The following MAP2 variants were observed in gnomAD, a reference collection of about 807,000 sequenced individuals.
MAP2 encodes the protein microtubule-associated protein 2.
MAP2 carries 14 observed loss-of-function variants against 137.6 expected under a neutral mutation model. That is an observed-to-expected ratio of 0.10 (90% CI 0.07 to 0.16). The LOEUF is 0.16. MAP2 is among the 10% of genes least tolerant of loss of function. The probability of loss-of-function intolerance (pLI) is 1.00; values close to 1 mark genes in which losing one functional copy is unlikely to be tolerated. For synonymous variants in MAP2, 786 were observed against 782.3 expected, an observed-to-expected ratio of 1.00 and a Z score of -0.08; for missense variants, 2,088 against 2,191.5, an observed-to-expected ratio of 0.95 and a Z score of 0.94.
intron 1 of MAP2, among the ~76,000 whole-genome samples, chr2:209,475,740 T>C (rs1707042125): frequency 6.6e-6 from 1 of 152,182 alleles, no homozygotes; most frequent in South Asian, 2.1e-4. Flanking sequence ...ATTCTAGTTT[T>C]TAATGCATAT....
Position 209,693,183 on chromosome 2 carries a change from C to T in MAP2, c.1013C>T (p.Ser338Leu), listed in dbSNP as rs144486691. The stretch of plus-strand genomic sequence containing the variant: ...AAGAATGAAATAGTTACAGAAACAT[C>T]GCCCTTTGCCCCTGCCTTTTTACAG... Reference protein sequence around the residue: ...VMKNEIVTETSPFAPAFLQPD... With the variant: ...VMKNEIVTETLPFAPAFLQPD... Residue 338 changes from serine to leucine, a missense_variant, in exon 8 of 16, where the codon TCG becomes TTG. By Grantham distance (145) the Ser-to-Leu change is moderately radical. Transcript: ENST00000682079. 3.1e-6 allele frequency: 5 copies of T among 1,610,388 alleles called. No homozygotes were observed. Among genetic ancestry groups the T allele is most frequent in the African/African-American group, 1.3e-5 (1 of 74,666 alleles).
At chr2:209,607,891 G>C (rs2085351897) in intron 3 of MAP2, among the ~76,000 whole-genome samples, 1 of 152,080 alleles carries the variant, frequency 6.6e-6, no homozygotes, top group African/African-American at 2.4e-5. Flanking sequence ...TATTCCTTTT[G>C]CTAGTCAAAC....
intron 1 of MAP2, among the ~76,000 whole-genome samples, chr2:209,459,497 G>A (rs1055160639): frequency 6.6e-6 from 1 of 152,062 alleles, no homozygotes; most frequent in African/African-American, 2.4e-5. Context: ...AAAGATCCAG[G>A]AAAACAACTC....
intron 7 of MAP2, among the ~76,000 whole-genome samples, chr2:209,691,371 A>T (rs897005806): frequency 6.6e-6 from 1 of 152,056 alleles, no homozygotes; most frequent in East Asian, 1.9e-4. Flanking sequence ...GATGCTTCTC[A>T]TATCATTTTC....
Position 209,478,888 on chromosome 2 carries a change from A to G in MAP2, c.-221-28704A>G, listed in dbSNP as rs374736584. On this transcript the variant is annotated intron_variant, in intron 1 of 15. Transcript: ENST00000682079. ...TCTCCCTCTAATGAAATAGGATGGA[A>G]TTAAATAGGCTGTATAGATTCTTCC... is the stretch of plus-strand genomic sequence containing the variant. Among the ~76,000 whole-genome samples, 54 of 152,344 alleles carry G rather than the reference A, an allele frequency of 3.5e-4. No homozygotes were observed. The East Asian group carries it at 8.7e-3, about 24-fold the overall frequency.
intron 4 of MAP2, among the ~76,000 whole-genome samples, chr2:209,629,696 C>T (rs755166447): frequency 1.3e-5 from 2 of 152,150 alleles, no homozygotes; most frequent in Non-Finnish European, 2.9e-5. Flanking sequence ...GCAGTCATAT[C>T]CAGATCTCAA....
intron 2 of MAP2, among the ~76,000 whole-genome samples, chr2:209,573,933 CATTT>C (rs2074869267): frequency 6.6e-6 from 1 of 152,068 alleles, no homozygotes; most frequent in African/African-American, 2.4e-5. Flanking sequence ...CTTTTAGGTT[CATTT>C]GTGTTGTGAC....
At chr2:209,510,205 C>T (rs2061563595) in intron 2 of MAP2, among the ~76,000 whole-genome samples, 1 of 151,712 alleles carries the variant, frequency 6.6e-6, no homozygotes, top group South Asian at 2.1e-4. Flanking sequence ...GGTATATTTT[C>T]CTCCAGTTTT....
chr2:209,491,911 T>TA (rs1402476376), intron 1 of MAP2, among the ~76,000 whole-genome samples: 2 of 151,828 alleles, frequency 1.3e-5, no homozygotes, highest in Admixed American at 6.6e-5. Flanking sequence ...TTCCAAACAA[T>TA]AAAAAAAGAG....
At chr2:209,646,898 T>A (rs187096473) in intron 4 of MAP2, among the ~76,000 whole-genome samples, 1 of 152,308 alleles carries the variant, frequency 6.6e-6, no homozygotes, top group East Asian at 1.9e-4. Context: ...TTTGGTTACT[T>A]ATTATTCCAT....
chr2:209,713,420 A>G (rs898309533), intron 13 of MAP2, among the ~76,000 whole-genome samples: 3 of 152,178 alleles, frequency 2.0e-5, no homozygotes, highest in African/African-American at 7.2e-5. Flanking sequence ...GCCTAATGGA[A>G]TAGATAAGCT....
rs79763391 is a variant in MAP2 at position 209,711,370 on chromosome 2, C to T, written c.5073+1116C>T. Among the ~76,000 whole-genome samples the T allele has an allele frequency of 8.2e-4, 125 of 152,294 alleles. 2 individuals carry two copies. In the East Asian group the frequency reaches 0.023, roughly 28 times the overall value. On this transcript the variant is annotated intron_variant, in intron 13 of 15. Coordinates refer to ENST00000682079, the MANE Select transcript of MAP2 (RefSeq NM_001375505.1). ...AATGAAGCAACAATTCAGTGTTGCTCTTTCATTTAGCAACAAACTTCTTTG... is the reference window on the plus strand; with the variant it reads ...AATGAAGCAACAATTCAGTGTTGCTTTTTCATTTAGCAACAAACTTCTTTG...
At chr2:209,460,611 C>A (rs752789351) in intron 1 of MAP2, among the ~76,000 whole-genome samples, 28 of 150,750 alleles carry the variant, frequency 1.9e-4, no homozygotes, top group Non-Finnish European at 3.4e-4. Flanking sequence ...TTCCTTCCTT[C>A]TTTCCTTCCT....
At chr2:209,558,821 T>C (rs1188726069) in intron 2 of MAP2, among the ~76,000 whole-genome samples, 1 of 152,024 alleles carries the variant, frequency 6.6e-6, no homozygotes, top group African/African-American at 2.4e-5. Context: ...CCAGTTGTCT[T>C]GAAGACTGTC....
chr2:209,695,677 G>A lies in MAP2; in HGVS notation c.3507G>A (p.Leu1169=), dbSNP rs1287039045. 2 of 1,614,076 alleles carry A rather than the reference G, an allele frequency of 1.2e-6. No homozygotes were observed. The part of the protein sequence containing the change: ...SLIQDEIAVK[L]SVEIPCPPAV... ...TTCAAGATGAGATTGCCGTCAAATT[G>A]TCAGTGGAAATACCTTGCCCACCTG... is the stretch of plus-strand genomic sequence containing the variant. The change falls in exon 8 of 16, where the codon TTG becomes TTA. Residue 1169 remains leucine, a synonymous_variant. Coordinates refer to ENST00000682079, the MANE Select transcript of MAP2 (RefSeq NM_001375505.1).
intron 5 of MAP2, among the ~76,000 whole-genome samples, chr2:209,659,114 GA>G (rs1431238587): frequency 1.3e-5 from 2 of 152,126 alleles, no homozygotes; most frequent in Non-Finnish European, 2.9e-5. Flanking sequence ...CAGTGTTCAG[GA>G]ATTTCATGCA....
chr2:209,650,162 T>C (rs1030218365), intron 4 of MAP2, among the ~76,000 whole-genome samples: 18 of 152,202 alleles, frequency 1.2e-4, no homozygotes, highest in African/African-American at 4.3e-4. Flanking sequence ...GCTTATATTG[T>C]TGTATTTGCT....
chr2:209,680,976 T>G (rs2054310925), intron 7 of MAP2, 149 bp downstream of exon 7: 3 of 501,436 alleles, frequency 6.0e-6, no homozygotes, highest in South Asian at 1.2e-4. Context: ...AACAAAGACT[T>G]TAAATAAATA....
rs191001021 is a variant in MAP2, at chr2:209,519,536, T to G, written c.-172+11895T>G. ...TTCAAAAAGATAGCCTCAAGGTTCT[T>G]GAGAAAGCATTTCTGAGTTGTGAGG... On this transcript the variant is annotated intron_variant, in intron 2 of 15. Transcript: ENST00000682079. Among the ~76,000 whole-genome samples, 142 of 152,168 alleles carry G rather than the reference T, an allele frequency of 9.3e-4. 1 individual carries two copies. Among genetic ancestry groups the G allele is most frequent in the African/African-American group, 2.9e-3 (120 of 41,574 alleles).
Sources: gnomAD v4.1 joint callset for allele counts (sites outside exome capture counted in the v4.1 genomes callset) on GRCh38, gnomAD v4.1.1 for gene constraint, MANE v1.5 for transcripts, NCBI Gene and HGNC (gene_info 2026-07-23, HGNC 2026-07-21) for gene names.